Variants in GABRB1 observed in about 807,000 individuals in gnomAD.
GABRB1 encodes gamma-aminobutyric acid receptor subunit beta-1.
GABRB1 carries 17 observed loss-of-function variants against 51.6 expected under a neutral mutation model. That is an observed-to-expected ratio of 0.33 (90% CI 0.23 to 0.49). The LOEUF (loss-of-function observed/expected upper bound fraction) is 0.49. Among genes scored for constraint, GABRB1 ranks in the 20% least tolerant of loss-of-function variants. The probability of loss-of-function intolerance (pLI) is 0.99; values close to 1 mark genes in which losing one functional copy is unlikely to be tolerated. For synonymous variants in GABRB1, 247 were observed against 218.9 expected (o/e 1.13, Z -1.14); for missense variants, 410 against 600.6 (o/e 0.68, Z 3.32).
At chr4:47,265,936 A>C (rs896581109) in intron 4 of GABRB1, among the ~76,000 whole-genome samples, 1 of 152,112 alleles carries the variant, frequency 6.6e-6, no homozygotes, top group African/African-American at 2.4e-5. Flanking sequence ...GCTGTGCAGA[A>C]GCTTTTTAGT....
intron 5 of GABRB1, among the ~76,000 whole-genome samples, chr4:47,381,562 G>T: frequency 6.6e-6 from 1 of 152,156 alleles, no homozygotes; most frequent in East Asian, 1.9e-4. Flanking sequence ...GCTTAACAGA[G>T]CATCCTGTCC....
chr4:47,242,054 AGGCCCC>A (rs1721545062), intron 4 of GABRB1, among the ~76,000 whole-genome samples: 2 of 150,656 alleles, frequency 1.3e-5, no homozygotes, highest in South Asian at 2.1e-4. Flanking sequence ...ACCCCACGAC[AGGCCCC>A]GGTGTGTGAT....
At chr4:47,083,080 G>C (rs1029889252) in intron 3 of GABRB1, among the ~76,000 whole-genome samples, 3 of 152,134 alleles carry the variant, frequency 2.0e-5, no homozygotes, top group Non-Finnish European at 4.4e-5. Context: ...TTTTACAAAG[G>C]AAAAGAAGAA....
chr4:47,150,097 A>C (rs1717358975), intron 3 of GABRB1, among the ~76,000 whole-genome samples: 1 of 151,894 alleles, frequency 6.6e-6, no homozygotes, highest in Non-Finnish European at 1.5e-5. Context: ...AGCAAATTAT[A>C]ATATTGAGCT....
chr4:47,029,348 C>G (rs28710947), upstream of GABRB1, among the ~76,000 whole-genome samples: 85,314 of 151,644 alleles, frequency 0.56, 24,321 homozygotes, highest in East Asian at 0.66. Flanking sequence ...TTGCATATCT[C>G]ATGAGTTTAA....
intron 5 of GABRB1, among the ~76,000 whole-genome samples, chr4:47,361,773 T>C (rs1726814412): frequency 6.6e-6 from 1 of 152,152 alleles, no homozygotes; most frequent in Non-Finnish European, 1.5e-5. Context: ...AGTTTCTGAA[T>C]GGTGCAACTT....
At chr4:47,082,925 G>A (rs1243506474) in intron 3 of GABRB1, among the ~76,000 whole-genome samples, 3 of 152,082 alleles carry the variant, frequency 2.0e-5, no homozygotes, top group African/African-American at 7.2e-5. Flanking sequence ...AGGCTTATGG[G>A]GAAATCAGGA....
chr4:47,032,387 T>C (rs777301825), intron 2 of GABRB1, 30 bp from the exon 3 acceptor site: 4 of 1,556,398 alleles, frequency 2.6e-6, no homozygotes, highest in Non-Finnish European at 2.6e-6. Context: ...TGAGAGAATC[T>C]GTTCCTAATG....
At chr4:47,357,239 G>A (rs1056479553) in intron 5 of GABRB1, among the ~76,000 whole-genome samples, 7 of 152,146 alleles carry the variant, frequency 4.6e-5, no homozygotes, top group Admixed American at 6.5e-5. Context: ...AAGTTAGGGC[G>A]ATTAGGAGTA....
At chr4:47,399,108 A>C (rs6843589) in intron 5 of GABRB1, among the ~76,000 whole-genome samples, 12,856 of 152,262 alleles carry the variant, frequency 0.084, 644 homozygotes, top group Non-Finnish European at 0.12. Context: ...TATTTATTGA[A>C]TAATGTTTTT....
intron 3 of GABRB1, among the ~76,000 whole-genome samples, chr4:47,111,515 G>GA (rs1715208984): frequency 6.6e-6 from 1 of 152,044 alleles, no homozygotes; most frequent in Non-Finnish European, 1.5e-5. Context: ...TTTTAAACTT[G>GA]AAATCGGTGC....
chr4:47,404,729 C>T (rs1044564573), intron 7 of GABRB1, among the ~76,000 whole-genome samples: 1 of 152,046 alleles, frequency 6.6e-6, no homozygotes, highest in Non-Finnish European at 1.5e-5. Flanking sequence ...TTAAAGAAAG[C>T]AAACAAATAA....
chr4:47,257,969 T>A (rs1722279838), intron 4 of GABRB1, among the ~76,000 whole-genome samples: 1 of 152,044 alleles, frequency 6.6e-6, no homozygotes, highest in South Asian at 2.1e-4. Flanking sequence ...TGGAGCAAAG[T>A]TTCTGTGAGA....
At chr4:47,256,865 T>C (rs575920794) in intron 4 of GABRB1, among the ~76,000 whole-genome samples, 3 of 152,254 alleles carry the variant, frequency 2.0e-5, no homozygotes, top group South Asian at 4.2e-4. Flanking sequence ...TGGACACAAA[T>C]CCAAACCATA....
intron 4 of GABRB1, among the ~76,000 whole-genome samples, chr4:47,204,643 G>A (rs141727328): frequency 1.8e-3 from 268 of 152,122 alleles, no homozygotes; most frequent in African/African-American, 5.2e-3. Flanking sequence ...GGTCTTTCCC[G>A]TCCTATTCTC....
upstream of GABRB1, among the ~76,000 whole-genome samples, chr4:47,028,579 T>G (rs968714753): frequency 6.6e-6 from 1 of 151,694 alleles, no homozygotes; most frequent in Non-Finnish European, 1.5e-5. Flanking sequence ...TTCAAATATC[T>G]AGAAATATAT....
intron 3 of GABRB1, among the ~76,000 whole-genome samples, chr4:47,066,553 T>C (rs1476530625): frequency 6.6e-6 from 1 of 152,232 alleles, no homozygotes; most frequent in East Asian, 1.9e-4. Flanking sequence ...ATTTCCACAA[T>C]GGTCACAGCG....
chr4:47,271,714 T>C (rs1219560529), intron 4 of GABRB1, among the ~76,000 whole-genome samples: 3 of 152,102 alleles, frequency 2.0e-5, no homozygotes, highest in African/African-American at 2.4e-5. Flanking sequence ...CAGTAACGTT[T>C]CAGGAGTGGG....
intron 4 of GABRB1, among the ~76,000 whole-genome samples, chr4:47,295,520 G>C (rs1242066661): frequency 6.6e-6 from 1 of 152,130 alleles, no homozygotes; most frequent in Non-Finnish European, 1.5e-5. Flanking sequence ...GATGGAAGAT[G>C]AAATGAATGA....
Sources: gnomAD v4.1 joint callset for allele counts (sites outside exome capture counted in the v4.1 genomes callset) on GRCh38, gnomAD v4.1.1 for gene constraint, MANE v1.5 for transcripts, NCBI Gene and HGNC (gene_info 2026-07-23, HGNC 2026-07-21) for gene names.